The following SMAD7 variants were observed in gnomAD, a reference collection of about 807,000 sequenced individuals.
SMAD7 encodes the protein SMAD family member 7.
SMAD7 carries 8 observed loss-of-function variants against 38.7 expected under a neutral mutation model. The ratio of observed to expected loss-of-function variants is 0.21; its 90% confidence interval spans 0.12 to 0.37. The LOEUF (loss-of-function observed/expected upper bound fraction) is 0.37. SMAD7 is among the 10% of genes least tolerant of loss of function. The pLI is 1.00. For synonymous variants in SMAD7, 327 were observed against 265.1 expected (o/e 1.23, Z -2.27); for missense variants, 477 against 577.9 (o/e 0.83, Z 1.79).
intron 3 of SMAD7, among the ~76,000 whole-genome samples, chr18:48,939,016 G>C (rs897693039): frequency 1.3e-5 from 2 of 152,144 alleles, no homozygotes; most frequent in African/African-American, 2.4e-5. Flanking sequence ...CAACCTCTTG[G>C]AGAGGCCGCC....
In SMAD7 at chr18:48,949,916, T is replaced by A. The variant is rs1283337805; in HGVS notation, c.509A>T (p.His170Leu). 2 of 1,613,528 alleles carry A rather than the reference T, an allele frequency of 1.2e-6. No individual in the cohort carries two copies. The highest frequency in any genetic ancestry group is 2.7e-5 in the African/African-American group (2 of 74,934). ...ACACAGCCTCTTGACTTCCGAGGAA[T>A]GCCTGAGATCCGGCCACCTGAACAC... ...CKVFRWPDLRHSSEVKRLCCC... is the reference protein window; with the variant it reads ...CKVFRWPDLRLSSEVKRLCCC... Residue 170 changes from histidine to leucine, a missense_variant, in exon 1 of 4, where the codon CAT becomes CTT. His to Leu is a moderately conservative substitution (Grantham distance 99). Around this residue, in one of 2 missense-constraint regions of SMAD7, gnomAD observed 376 missense variants for 379.4 expected, o/e 0.99. Coordinates refer to ENST00000262158, the MANE Select transcript of SMAD7 (RefSeq NM_005904.4).
In SMAD7 at chr18:48,949,429, C is replaced by A. The variant is rs374601527; in HGVS notation, c.613+383G>T. The A allele has an allele frequency of 6.6e-5, 15 of 227,090 alleles. No homozygotes were observed. The East Asian group carries it at 1.6e-3, about 24-fold the overall frequency. The allele number at this position is 227,090 out of a possible 1,614,324, so 14.1% of individuals were successfully genotyped here. A position where few individuals can be genotyped will look rare whatever the true frequency, so the allele number is the denominator to read the frequency against. ...CCAAATCCAACTCGGCCACACACCT[C>A]AACGTCTTTCCGGGTGCGGGGAGGC... On this transcript the variant is annotated intron_variant, in intron 1 of 3. Coordinates refer to ENST00000262158, the MANE Select transcript of SMAD7 (RefSeq NM_005904.4).
chr18:48,943,357 A>T (rs2070163234), intron 2 of SMAD7, among the ~76,000 whole-genome samples: 1 of 152,168 alleles, frequency 6.6e-6, no homozygotes, highest in South Asian at 2.1e-4. Flanking sequence ...TCTGCCCTTA[A>T]CTAGACTTCT....
chr18:48,926,416 A>G (rs1234748961), intron 3 of SMAD7, among the ~76,000 whole-genome samples: 1 of 152,230 alleles, frequency 6.6e-6, no homozygotes, highest in Non-Finnish European at 1.5e-5. Flanking sequence ...CTGGGGTCAA[A>G]GGCGAGTGAG....
In SMAD7 at chr18:48,921,060, C is replaced by T. The variant is rs150355680; in HGVS notation, c.*312G>A. On this transcript the variant is annotated 3_prime_UTR_variant, in exon 4 of 4. Coordinates refer to ENST00000262158, the MANE Select transcript of SMAD7 (RefSeq NM_005904.4). The surrounding 1 kb of genome is among the most constrained non-coding windows in gnomAD (Gnocchi z 6.4). ...CACTCCTGACAAGTGAAATGATGACCGCCCCCCTTCATACACTGTGTTTGG... is the reference window on the plus strand; with the variant it reads ...CACTCCTGACAAGTGAAATGATGACTGCCCCCCTTCATACACTGTGTTTGG... 6.1e-3 allele frequency: 2,261 copies of T among 373,214 alleles called. 10 individuals are homozygous for T. Among genetic ancestry groups the T allele is most frequent in the Admixed American group, 8.8e-3 (199 of 22,738 alleles). 23.1% of individuals were successfully genotyped at this position (373,214 alleles called of 1,614,324 possible).
chr18:48,950,857 C>G lies in SMAD7; in HGVS notation c.-433G>C, dbSNP rs1285631870. 1 of 151,528 alleles carries G rather than the reference C, an allele frequency of 6.6e-6. No homozygotes were observed. Among genetic ancestry groups the G allele is most frequent in the Non-Finnish European group, 1.5e-5 (1 of 67,880 alleles). 9.4% of individuals were successfully genotyped at this position (151,528 alleles called of 1,614,324 possible). On this transcript the variant is annotated 5_prime_UTR_variant, in exon 1 of 4. Transcript: ENST00000262158. ...AGCCTCGGCTTCCTACATGGAAGGT[C>G]CGCGGGGGCAAAAAACGAAAGGCGT...
At chr18:48,924,804 C>A (rs1004935111) in intron 3 of SMAD7, among the ~76,000 whole-genome samples, 1 of 152,204 alleles carries the variant, frequency 6.6e-6, no homozygotes, top group Admixed American at 6.5e-5. Context: ...ACACAAAAAA[C>A]AAGCTTTCCA....
intron 3 of SMAD7, among the ~76,000 whole-genome samples, chr18:48,933,159 A>G (rs981198171): frequency 6.6e-6 from 1 of 152,288 alleles, no homozygotes; most frequent in East Asian, 1.9e-4. Flanking sequence ...GCTTTGCTTT[A>G]TCTCAATTCT....
Position 48,920,677 on chromosome 18 carries a change from G to C in SMAD7, c.*695C>G, listed in dbSNP as rs963921287. 1 of 152,524 alleles carries C rather than the reference G, an allele frequency of 6.6e-6. No individual in the cohort carries two copies. Among genetic ancestry groups the C allele is most frequent in the African/African-American group, 2.4e-5 (1 of 41,478 alleles). The allele number at this position is 152,524 out of a possible 1,614,324, so 9.4% of individuals were successfully genotyped here. A position where few individuals can be genotyped will look rare whatever the true frequency, so the allele number is the denominator to read the frequency against. ...GACGCTACAATGGCAGGGGCTGGCA[G>C]GAAGGGAATAAGACAAGGATGAAAA... On this transcript the variant is annotated 3_prime_UTR_variant, in exon 4 of 4. Coordinates refer to ENST00000262158, the MANE Select transcript of SMAD7 (RefSeq NM_005904.4).
chr18:48,942,061 T>C (rs936214223), intron 3 of SMAD7, among the ~76,000 whole-genome samples: 1 of 152,156 alleles, frequency 6.6e-6, no homozygotes, highest in Non-Finnish European at 1.5e-5. Flanking sequence ...TTGGGATCTG[T>C]CTTCAACAAG....
intron 2 of SMAD7, chr18:48,942,770 G>T: frequency 7.1e-7 from 1 of 1,408,230 alleles, no homozygotes; most frequent in Non-Finnish European, 9.2e-7. Context: ...GCTCCGGGCA[G>T]CCAGTTAATC....
chr18:48,949,447 G>C (rs928004034), intron 1 of SMAD7: 1 of 197,250 alleles, frequency 5.1e-6, no homozygotes, highest in Non-Finnish European at 9.3e-6. Context: ...TTCCGGGTGC[G>C]GGGAGGCGTG....
intron 3 of SMAD7, among the ~76,000 whole-genome samples, chr18:48,926,329 A>AG (rs1445684923): frequency 2.0e-4 from 25 of 126,858 alleles, no homozygotes; most frequent in African/African-American, 7.1e-4. Context: ...AGCTTGGGGA[A>AG]AAAAGCCAGT....
intron 3 of SMAD7, among the ~76,000 whole-genome samples, chr18:48,930,446 G>T (rs1399001419): frequency 6.6e-6 from 1 of 152,136 alleles, no homozygotes; most frequent in Non-Finnish European, 1.5e-5. Flanking sequence ...CCCAGAAGCT[G>T]CTGTCACAAG....
chr18:48,931,320 A>G (rs980609350), intron 3 of SMAD7, among the ~76,000 whole-genome samples: 21 of 152,228 alleles, frequency 1.4e-4, no homozygotes, highest in Admixed American at 9.2e-4. Flanking sequence ...TATTTTATGT[A>G]TATTTTACCA....
At chr18:48,929,946 C>A (rs1337148767) in intron 3 of SMAD7, among the ~76,000 whole-genome samples, 1 of 152,098 alleles carries the variant, frequency 6.6e-6, no homozygotes, top group Non-Finnish European at 1.5e-5. Context: ...TCATTCCTCC[C>A]CTCCCCCGGC....
At chr18:48,923,436 G>A (rs1007486170) in intron 3 of SMAD7, among the ~76,000 whole-genome samples, 2 of 152,174 alleles carry the variant, frequency 1.3e-5, no homozygotes, top group Non-Finnish European at 2.9e-5. Flanking sequence ...TTACAGGCGT[G>A]TTAGGACCTG....
In SMAD7 at chr18:48,921,551, C is replaced by T; in HGVS notation, c.1102G>A (p.Ala368Thr). The change falls in exon 4 of 4, where the codon GCT (alanine) becomes ACT (threonine). Residue 368 changes from alanine (A) to threonine (T), a missense_variant. Coordinates refer to ENST00000262158, the MANE Select transcript of SMAD7 (RefSeq NM_005904.4). This position sits in a 1 kb window ranked among gnomAD's most constrained non-coding sequence, Gnocchi z 6.4. ...CTGTACGCCTTCTCGTAGTCGAAAG[C>T]CTTGATGGAGAAACCGGGGAACACC... ...HKVFPGFSIK[A>T]FDYEKAYSLQ... 1 of 1,614,230 alleles carries T rather than the reference C, an allele frequency of 6.2e-7. No homozygotes were observed. Among genetic ancestry groups the T allele is most frequent in the Non-Finnish European group, 8.5e-7 (1 of 1,180,048 alleles).
intron 1 of SMAD7, chr18:48,949,181 T>A (rs2070231853): frequency 1.9e-6 from 1 of 538,844 alleles, no homozygotes; most frequent in African/African-American, 2.1e-5. Flanking sequence ...TCCTGCCTGT[T>A]TGTTCCTCTG....
Sources: gnomAD v4.1 joint callset for allele counts (sites outside exome capture counted in the v4.1 genomes callset) on GRCh38, gnomAD v4.1.1 for gene constraint, gnomAD v4.1.1 regional missense constraint, Gnocchi (gnomAD v3.1) non-coding constraint, MANE v1.5 for transcripts, NCBI Gene and HGNC (gene_info 2026-07-23, HGNC 2026-07-21) for gene names.